DSTYK: variants seen among roughly 807,000 people sequenced by gnomAD.
DSTYK encodes RIP-homologous kinase.
In DSTYK, 34 loss-of-function variants were observed where a neutral mutation model predicts 98.7. The observed-to-expected ratio is 0.34, with a 90% CI of 0.26 to 0.46. The LOEUF is 0.46. Ranked by LOEUF, DSTYK falls within the 20% of genes least tolerant of loss-of-function variation. The probability of loss-of-function intolerance (pLI) is 1.00; values close to 1 mark genes in which losing one functional copy is unlikely to be tolerated. For synonymous variants in DSTYK, 462 were observed against 457.3 expected (o/e 1.01, Z -0.13); for missense variants, 962 against 1,181.7 (o/e 0.81, Z 2.73).
intron 9 of DSTYK, among the ~76,000 whole-genome samples, chr1:205,159,082 T>TA (rs113724785): frequency 3.0e-4 from 44 of 149,012 alleles, no homozygotes; most frequent in African/African-American, 1.0e-3. Context: ...GATAAATCTT[T>TA]AAAAATTTTT....
Position 205,211,633 on chromosome 1 carries a change from TC to T in DSTYK, c.-99del. On this transcript the variant is annotated 5_prime_UTR_variant, in exon 1 of 13. Transcript: ENST00000367162. Reference sequence around the variant, plus strand: ...GTGCCGAAGGGAGGAGGAATCCGCCTCCTGACGCCCCCGCCTGCAGTCAGCC... The same window carrying T: ...GTGCCGAAGGGAGGAGGAATCCGCCTCTGACGCCCCCGCCTGCAGTCAGCC... 7.3e-7 allele frequency: 1 copy of T among 1,375,164 alleles called. No individual in the cohort carries two copies. Among genetic ancestry groups the T allele is most frequent in the Non-Finnish European group, 9.4e-7 (1 of 1,064,610 alleles). 85.2% of individuals were successfully genotyped at this position (1,375,164 alleles called of 1,614,324 possible).
chr1:205,190,615 CAAAAAAAAA>C (rs760042971), intron 1 of DSTYK, among the ~76,000 whole-genome samples: 1 of 71,912 alleles, frequency 1.4e-5, no homozygotes, highest in Non-Finnish European at 2.4e-5. Flanking sequence ...GACTCCATCT[CAAAAAAAAA>C]AAAAAAAAAA....
rs562344996 is a variant in DSTYK at position 205,147,632 on chromosome 1, G to A, written c.2716C>T (p.Leu906Phe). 5.5e-5 allele frequency: 89 copies of A among 1,614,156 alleles called. No homozygotes were observed. In the East Asian group the frequency reaches 1.1e-3, roughly 21 times the overall value. Residue 906 changes from leucine (L) to phenylalanine (F), a missense_variant, in exon 13 of 13, where the codon CTC (leucine) becomes TTC (phenylalanine). Transcript: ENST00000367162. Reference sequence around the variant, plus strand: ...CAGAGCCGATTCATGATGCCCTGGAGCATGGGCTGGACAATGCCCAAGAGA... The same window carrying A: ...CAGAGCCGATTCATGATGCCCTGGAACATGGGCTGGACAATGCCCAAGAGA... ...RPLLGIVQPM[L>F]QGIMNRLCKS...
chr1:205,204,877 T>G (rs1659155441), intron 1 of DSTYK, among the ~76,000 whole-genome samples: 1 of 152,152 alleles, frequency 6.6e-6, no homozygotes, highest in Non-Finnish European at 1.5e-5. Context: ...TTACTCCCAT[T>G]ATATATATGA....
At chr1:205,205,527 T>C (rs1659173696) in intron 1 of DSTYK, among the ~76,000 whole-genome samples, 1 of 151,946 alleles carries the variant, frequency 6.6e-6, no homozygotes, top group African/African-American at 2.4e-5. Context: ...CTCACTGCAA[T>C]CTCTGCCTCC....
rs1296448824 is a variant in DSTYK, at chr1:205,157,383, C to T, written c.2242G>A (p.Gly748Arg). The change falls in exon 10 of 13, where the codon GGG (glycine) becomes AGG (arginine). Residue 748 changes from glycine to arginine, a missense_variant. Coordinates refer to ENST00000367162, the MANE Select transcript of DSTYK (RefSeq NM_015375.3). Reference protein sequence around the residue: ...HRDLYTGLKAGLTLETRLQIA... With the variant: ...HRDLYTGLKARLTLETRLQIA... ...TGCAAACGTGTCTCCAGGGTCAGCC[C>T]AGCCTTGGGGAGACAAAAGAGCTTA... 6.2e-7 allele frequency: 1 copy of T among 1,613,990 alleles called. No homozygotes were observed. Among genetic ancestry groups the T allele is most frequent in the Non-Finnish European group, 8.5e-7 (1 of 1,179,860 alleles).
At chr1:205,189,228 C>T (rs1558620560) in intron 1 of DSTYK, among the ~76,000 whole-genome samples, 1 of 152,130 alleles carries the variant, frequency 6.6e-6, no homozygotes, top group Non-Finnish European at 1.5e-5. Context: ...CAAACACGTT[C>T]AAATAATGTT....
At chr1:205,173,387 T>C (rs550286665) in intron 2 of DSTYK, 62 of 96,642 alleles carry the variant, frequency 6.4e-4, no homozygotes, top group Non-Finnish European at 1.1e-3. Context: ...AATGAGACTG[T>C]CTCAAAAAAA....
At chr1:205,195,156 C>T (rs1240841246) in intron 1 of DSTYK, among the ~76,000 whole-genome samples, 3 of 151,982 alleles carry the variant, frequency 2.0e-5, no homozygotes, top group African/African-American at 7.3e-5. Context: ...TTGAATTTTC[C>T]ATGCTTTTAT....
chr1:205,183,282 T>C (rs1658472024), intron 2 of DSTYK, among the ~76,000 whole-genome samples: 1 of 152,178 alleles, frequency 6.6e-6, no homozygotes, highest in Non-Finnish European at 1.5e-5. Flanking sequence ...TGGTGAAATG[T>C]GCTGCCAATT....
At chr1:205,154,983 TTTA>T (rs530266144) in intron 10 of DSTYK, among the ~76,000 whole-genome samples, 15 of 151,790 alleles carry the variant, frequency 9.9e-5, no homozygotes, top group Middle Eastern at 3.4e-3. Context: ...TATTTATTTA[TTTA>T]TTTATTTATT....
intron 10 of DSTYK, among the ~76,000 whole-genome samples, chr1:205,152,468 C>T (rs898929260): frequency 2.0e-5 from 3 of 152,226 alleles, no homozygotes; most frequent in Admixed American, 6.5e-5. Context: ...TAAGCCACTG[C>T]GCCTGGCCAG....
At chr1:205,180,868 A>G (rs976201714) in intron 2 of DSTYK, among the ~76,000 whole-genome samples, 1 of 152,254 alleles carries the variant, frequency 6.6e-6, no homozygotes, top group Non-Finnish European at 1.5e-5. Flanking sequence ...ATATTAGCCT[A>G]TAACAGGAAC....
At chr1:205,197,169 A>T (rs1658892341) in intron 1 of DSTYK, among the ~76,000 whole-genome samples, 1 of 151,830 alleles carries the variant, frequency 6.6e-6, no homozygotes, top group African/African-American at 2.4e-5. Flanking sequence ...TTGTTGGGAC[A>T]GTTGGCAAAA....
chr1:205,187,517 C>A lies in DSTYK; in HGVS notation c.555G>T (p.Glu185Asp), dbSNP rs1472335432. ...HTLVAHQGNW[E>D]TIPEEDLEVQ... ...CCTCCAGATCCTCCTCAGGGATGGT[C>A]TCCCAGTTGCCCTGATGAGCAACCA... is the stretch of plus-strand genomic sequence containing the variant. Residue 185 changes from glutamate to aspartate, a missense_variant, in exon 2 of 13, where the codon GAG becomes GAT. Glu to Asp is a conservative substitution (Grantham distance 45). This residue lies in a region of DSTYK where 660 missense variants were observed against 855.0 expected (regional missense o/e 0.77). Transcript: ENST00000367162. 3.7e-6 allele frequency: 6 copies of A among 1,614,082 alleles called. No individual in the cohort carries two copies. The highest frequency in any genetic ancestry group is 1.3e-5 in the African/African-American group (1 of 74,916).
At position 205,169,160 on chromosome 1, in the gene DSTYK, T is replaced by C. The variant is rs748448489; in HGVS notation, c.1324+3A>G. On this transcript the variant is annotated splice_donor_region_variant and intron_variant, in intron 3 of 12. Transcript: ENST00000367162. The surrounding 1 kb of genome is among the most constrained non-coding windows in gnomAD (Gnocchi z 4.0). ...GCACCCCAACAAGCTCTCTGGGACC[T>C]ACCTTTAAACTCCATGTTAGTAGCA... The C allele has an allele frequency of 1.9e-6, 3 of 1,583,760 alleles. No individual in the cohort carries two copies. The highest frequency in any genetic ancestry group is 1.2e-5 in the South Asian group (1 of 84,080).
Position 205,169,173 on chromosome 1 carries a change from C to G in DSTYK, c.1314G>C (p.Met438Ile), listed in dbSNP as rs1382148045. Reference protein sequence around the residue: ...KEELLDDATNMEFKDVIVPEN... With the variant: ...KEELLDDATNIEFKDVIVPEN... ...CTCTCTGGGACCTACCTTTAAACTC[C>G]ATGTTAGTAGCATCATCCAGAAGTT... The change falls in exon 3 of 13, where the codon ATG (methionine) becomes ATC (isoleucine). Residue 438 changes from methionine to isoleucine, a missense_variant. Around this residue, in one of 4 missense-constraint regions of DSTYK, gnomAD observed 660 missense variants for 855.0 expected, o/e 0.77. Transcript: ENST00000367162. This position sits in a 1 kb window ranked among gnomAD's most constrained non-coding sequence, Gnocchi z 4.0. 6.3e-7 allele frequency: 1 copy of G among 1,595,236 alleles called. No individual in the cohort carries two copies. Among genetic ancestry groups the G allele is most frequent in the Non-Finnish European group, 8.5e-7 (1 of 1,170,552 alleles).
intron 2 of DSTYK, among the ~76,000 whole-genome samples, chr1:205,184,963 T>C (rs1658522174): frequency 6.6e-6 from 1 of 152,096 alleles, no homozygotes; most frequent in Admixed American, 6.6e-5. Flanking sequence ...CTTTGCAAGG[T>C]TGAGAGGTGG....
intron 2 of DSTYK, among the ~76,000 whole-genome samples, chr1:205,177,199 C>T (rs1442710409): frequency 6.6e-6 from 1 of 151,966 alleles, no homozygotes; most frequent in Non-Finnish European, 1.5e-5. Flanking sequence ...AGAGTGAGAC[C>T]CTATTTCTAA....
Sources: allele counts gnomAD v4.1 joint callset (sites outside exome capture counted in the v4.1 genomes callset), GRCh38; gene constraint gnomAD v4.1.1; regional missense constraint gnomAD v4.1.1; non-coding constraint Gnocchi (gnomAD v3.1); transcripts MANE v1.5; gene names NCBI Gene and HGNC (gene_info 2026-07-23, HGNC 2026-07-21).